PSME4: variants seen among roughly 807,000 people sequenced by gnomAD.
PSME4 encodes the protein proteasome activator subunit 4.
In PSME4, 89 loss-of-function variants were observed where a neutral mutation model predicts 253.9. The ratio of observed to expected loss-of-function variants is 0.35; its 90% CI spans 0.30 to 0.42. PSME4 has a LOEUF of 0.42. Among genes scored for constraint, PSME4 ranks in the 10% least tolerant of loss-of-function variants. PSME4 has a pLI of 1.00. For synonymous variants in PSME4, 851 were observed against 759.2 expected (o/e 1.12, Z -1.99); for missense variants, 2,014 against 2,195.2 (o/e 0.92, Z 1.65).
At chr2:53,921,572 A>C (rs944109813) in intron 17 of PSME4, among the ~76,000 whole-genome samples, 2 of 146,514 alleles carry the variant, frequency 1.4e-5, no homozygotes, top group African/African-American at 2.5e-5. Context: ...AAAAATGATA[A>C]AGAAAACTGA....
At chr2:53,954,713 C>A (rs1041719866) in intron 1 of PSME4, among the ~76,000 whole-genome samples, 1 of 151,734 alleles carries the variant, frequency 6.6e-6, no homozygotes, top group Non-Finnish European at 1.5e-5. Context: ...TAGTGGCAGG[C>A]GTCTGTAGTC....
intron 14 of PSME4, among the ~76,000 whole-genome samples, chr2:53,923,790 G>C (rs548575866): frequency 6.6e-6 from 1 of 152,146 alleles, no homozygotes; most frequent in South Asian, 2.1e-4. Context: ...AGGCATGGTG[G>C]CGCATGCCTG....
intron 20 of PSME4, among the ~76,000 whole-genome samples, chr2:53,913,907 T>C (rs958901567): frequency 6.6e-6 from 1 of 152,132 alleles, no homozygotes; most frequent in East Asian, 1.9e-4. Flanking sequence ...TGTGTGCAGC[T>C]CCCCCAGCAG....
At chr2:53,921,586 T>TTG (rs1313384693) in intron 17 of PSME4, among the ~76,000 whole-genome samples, 2 of 135,680 alleles carry the variant, frequency 1.5e-5, no homozygotes, top group Non-Finnish European at 1.6e-5. Flanking sequence ...AAACTGAAGT[T>TTG]GGCCGGGCGC....
chr2:53,907,374 C>T (rs1375343187), intron 24 of PSME4, among the ~76,000 whole-genome samples: 2 of 152,180 alleles, frequency 1.3e-5, no homozygotes, highest in African/African-American at 4.8e-5. Flanking sequence ...GACTCTTCTT[C>T]TTTCACACCA....
At chr2:53,898,391 A>AC in intron 29 of PSME4, 37 bp from the exon 30 acceptor site, 1 of 1,395,610 alleles carries the variant, frequency 7.2e-7, no homozygotes, top group Non-Finnish European at 9.9e-7. Context: ...TTACTATAAT[A>AC]CTAAAATGAA....
chr2:53,955,049 T>A (rs571309847), intron 1 of PSME4, among the ~76,000 whole-genome samples: 1 of 151,988 alleles, frequency 6.6e-6, no homozygotes, highest in African/African-American at 2.4e-5. Context: ...CACGTGCCTG[T>A]AGTCCCAGCT....
chr2:53,871,963 G>A (rs1353242759), intron 43 of PSME4, among the ~76,000 whole-genome samples: 2 of 152,054 alleles, frequency 1.3e-5, no homozygotes, highest in African/African-American at 4.8e-5. Flanking sequence ...GCAGTGAGCC[G>A]AGATCGCACC....
intron 4 of PSME4, among the ~76,000 whole-genome samples, chr2:53,939,131 G>C (rs749697520): frequency 1.6e-4 from 25 of 152,196 alleles, no homozygotes; most frequent in Non-Finnish European, 3.4e-4. Context: ...TAAGTTGCTT[G>C]AGAGACAGAT....
At position 53,919,146 on chromosome 2, in the gene PSME4, C is replaced by T; in HGVS notation, c.2516+5G>A. 1 of 1,608,130 alleles carries T rather than the reference C, an allele frequency of 6.2e-7. No homozygotes were observed. Among genetic ancestry groups the T allele is most frequent in the Non-Finnish European group, 8.5e-7 (1 of 1,177,638 alleles). On this transcript the variant is annotated splice_donor_5th_base_variant and intron_variant, in intron 20 of 46. Transcript: ENST00000404125. ...GTTAAGTGGAAAACAGTTATTTTTA[C>T]TTACAAGTTAGTAACTGGCTCTCCT...
chr2:53,934,536 C>G, intron 8 of PSME4, 69 bp downstream of exon 8: 1 of 1,492,498 alleles, frequency 6.7e-7, no homozygotes. Context: ...CTGCGACTAT[C>G]CACAATTTTT....
intron 28 of PSME4, among the ~76,000 whole-genome samples, chr2:53,900,457 G>T (rs1044165562): frequency 6.6e-6 from 1 of 151,704 alleles, no homozygotes; most frequent in African/African-American, 2.4e-5. Context: ...TATAGTCCTA[G>T]TTACTAGGAA....
chr2:53,916,314 C>T (rs1391707722), intron 20 of PSME4, among the ~76,000 whole-genome samples: 1 of 151,234 alleles, frequency 6.6e-6, no homozygotes, highest in Non-Finnish European at 1.5e-5. Context: ...TCAGAAAATG[C>T]ATAATGTCTC....
At chr2:53,894,940 T>C (rs1330454442) in intron 34 of PSME4, 67 bp downstream of exon 34, 4 of 1,332,784 alleles carry the variant, frequency 3.0e-6, no homozygotes, top group Non-Finnish European at 4.2e-6. Context: ...AGAACTGAAG[T>C]GAGGTTGAGA....
At chr2:53,880,286 C>T (rs960083637) in intron 41 of PSME4, among the ~76,000 whole-genome samples, 3 of 151,998 alleles carry the variant, frequency 2.0e-5, no homozygotes, top group African/African-American at 7.3e-5. Flanking sequence ...AGTGAGACCC[C>T]ATCTCTACAA....
chr2:53,907,152 T>C (rs565395744), intron 24 of PSME4, among the ~76,000 whole-genome samples: 1 of 152,206 alleles, frequency 6.6e-6, no homozygotes, highest in East Asian at 1.9e-4. Context: ...CAGAGTTGTG[T>C]TCTTATTCAG....
At chr2:53,898,993 A>G (rs1680267975) in intron 29 of PSME4, among the ~76,000 whole-genome samples, 1 of 152,160 alleles carries the variant, frequency 6.6e-6, no homozygotes, top group South Asian at 2.1e-4. Flanking sequence ...AGTTTCTGAA[A>G]TATTACTACC....
At chr2:53,934,929 T>C (rs1669034304) in intron 7 of PSME4, among the ~76,000 whole-genome samples, 1 of 152,186 alleles carries the variant, frequency 6.6e-6, no homozygotes, top group African/African-American at 2.4e-5. Context: ...TATGACACTC[T>C]GAGGTCAGAG....
intron 3 of PSME4, among the ~76,000 whole-genome samples, chr2:53,945,381 A>G (rs939624936): frequency 2.0e-5 from 3 of 152,130 alleles, no homozygotes; most frequent in Admixed American, 1.3e-4. Flanking sequence ...TACTTCTTCT[A>G]TTGAATAAAA....
Sources: gnomAD v4.1 joint callset for allele counts (sites outside exome capture counted in the v4.1 genomes callset) on GRCh38, gnomAD v4.1.1 for gene constraint, MANE v1.5 for transcripts, NCBI Gene and HGNC (gene_info 2026-07-23, HGNC 2026-07-21) for gene names.